ARMC2: variants seen among roughly 807,000 people sequenced by gnomAD.
The protein encoded by ARMC2 is armadillo repeat-containing protein 2.
A neutral mutation model predicts 90.3 loss-of-function variants in ARMC2; 67 were observed. The ratio of observed to expected loss-of-function variants is 0.74; its 90% CI spans 0.61 to 0.91. The LOEUF is 0.91. Ranked by LOEUF, ARMC2 falls within the 40% of genes least tolerant of loss-of-function variation. The pLI, the probability that ARMC2 is intolerant of heterozygous loss-of-function variation, is 0.00. For missense variants in ARMC2, 920 were observed against 1,030.9 expected (o/e 0.89, Z 1.47); for synonymous variants, 393 against 393.0 (o/e 1.00, Z 0.00).
chr6:108,875,601 T>C (rs889756646), intron 4 of ARMC2, among the ~76,000 whole-genome samples: 81 of 152,234 alleles, frequency 5.3e-4, no homozygotes, highest in Non-Finnish European at 2.9e-5. Flanking sequence ...TCCCTACTTT[T>C]ATACTTTGCT....
intron 12 of ARMC2, among the ~76,000 whole-genome samples, chr6:108,945,674 C>T (rs1776754183): frequency 6.6e-6 from 1 of 152,228 alleles, no homozygotes; most frequent in African/African-American, 2.4e-5. Flanking sequence ...GCCATGTATG[C>T]ACAGTGAACA....
At chr6:108,953,394 T>G in intron 13 of ARMC2, 43 bp downstream of exon 13, 1 of 1,537,098 alleles carries the variant, frequency 6.5e-7, no homozygotes, top group Admixed American at 1.9e-5. Flanking sequence ...ACAACCAACT[T>G]TCCCGCGGCC....
At chr6:108,897,564 G>A (rs1034910035) in intron 6 of ARMC2, among the ~76,000 whole-genome samples, 3 of 151,956 alleles carry the variant, frequency 2.0e-5, no homozygotes, top group African/African-American at 4.8e-5. Context: ...GCTGCTCTTG[G>A]CAGTGGGAAG....
chr6:108,851,388 T>C (rs1257027370), intron 1 of ARMC2, among the ~76,000 whole-genome samples: 2 of 152,206 alleles, frequency 1.3e-5, no homozygotes, highest in East Asian at 3.8e-4. Flanking sequence ...GTAATTTGTC[T>C]CTATTGTTTT....
intron 5 of ARMC2, among the ~76,000 whole-genome samples, chr6:108,888,416 G>T (rs1396510512): frequency 1.3e-5 from 2 of 152,182 alleles, no homozygotes. Context: ...GGCTGTAAGT[G>T]GTCGGACCAT....
chr6:108,910,090 T>G (rs1305511999), intron 8 of ARMC2, among the ~76,000 whole-genome samples: 4 of 152,212 alleles, frequency 2.6e-5, no homozygotes, highest in African/African-American at 7.2e-5. Context: ...ATGCAATTAC[T>G]CTAATCAAAT....
the ARMC2 span, among the ~76,000 whole-genome samples, chr6:109,051,915 A>G: frequency 6.6e-6 from 1 of 152,186 alleles, no homozygotes; most frequent in African/African-American, 2.4e-5. Context: ...CCACTGATGA[A>G]GGAGCAGCCC....
chr6:108,972,406 C>T (rs1287314170), intron 17 of ARMC2, among the ~76,000 whole-genome samples: 1 of 152,166 alleles, frequency 6.6e-6, no homozygotes, highest in Admixed American at 6.5e-5. Context: ...CAAAGTACTA[C>T]TTCCCTGCTG....
downstream of ARMC2, among the ~76,000 whole-genome samples, chr6:108,976,124 T>A (rs1374357516): frequency 6.6e-6 from 1 of 152,220 alleles, no homozygotes; most frequent in Non-Finnish European, 1.5e-5. Flanking sequence ...CTTCTAGGGT[T>A]TTTATGGTTT....
chr6:108,894,564 T>C (rs1312128901), intron 6 of ARMC2, 21 bp downstream of exon 6: 1 of 1,574,760 alleles, frequency 6.4e-7, no homozygotes, highest in Non-Finnish European at 8.6e-7. Context: ...CCCACACTCC[T>C]TCATCTACAG....
rs978557861 is a variant in ARMC2 at position 108,854,277 on chromosome 6, C to G, written c.10C>G (p.Pro4Ala). The change falls in exon 2 of 18, where the codon CCA becomes GCA. Residue 4 changes from proline (P) to alanine (A), a missense_variant. Transcript: ENST00000392644. MLS[P>A]NDKMLGKLDP... The stretch of plus-strand genomic sequence containing the variant: ...TACTTTCAAAGGAAAGATGCTGTCT[C>G]CAAATGATAAAATGTTAGGAAAACT... The G allele has an allele frequency of 3.7e-6, 6 of 1,604,838 alleles. No individual in the cohort carries two copies. The highest frequency in any genetic ancestry group is 5.1e-6 in the Non-Finnish European group (6 of 1,175,522).
the ARMC2 span, among the ~76,000 whole-genome samples, chr6:109,008,261 A>T: frequency 6.6e-6 from 1 of 152,208 alleles, no homozygotes. Context: ...GCTCACTTCT[A>T]CTCAAAAAGA....
the ARMC2 span, among the ~76,000 whole-genome samples, chr6:108,991,511 G>A: frequency 6.6e-6 from 1 of 152,042 alleles, no homozygotes; most frequent in African/African-American, 2.4e-5. Flanking sequence ...CAAAGTGCTG[G>A]GATTACACGT....
chr6:108,906,527 G>T (rs1174205661), intron 8 of ARMC2, among the ~76,000 whole-genome samples: 1 of 151,720 alleles, frequency 6.6e-6, no homozygotes, highest in Non-Finnish European at 1.5e-5. Context: ...GTCACCCAGG[G>T]CTGGAGTACA....
At chr6:108,850,790 T>C (rs1773928698) in intron 1 of ARMC2, among the ~76,000 whole-genome samples, 1 of 152,168 alleles carries the variant, frequency 6.6e-6, no homozygotes, top group South Asian at 2.1e-4. Flanking sequence ...ACGTGGACGG[T>C]TGGGGCAGAG....
At chr6:109,005,152 C>T in the ARMC2 span, among the ~76,000 whole-genome samples, 1 of 152,060 alleles carries the variant, frequency 6.6e-6, no homozygotes, top group Non-Finnish European at 1.5e-5. Flanking sequence ...TCTAATAGTA[C>T]GAGGTTGAAA....
At chr6:109,018,451 A>G in the ARMC2 span, among the ~76,000 whole-genome samples, 1 of 152,220 alleles carries the variant, frequency 6.6e-6, no homozygotes, top group African/African-American at 2.4e-5. Flanking sequence ...AAACTATAAT[A>G]GTGAGTGAAC....
chr6:108,943,066 C>T (rs1279914418), intron 12 of ARMC2, among the ~76,000 whole-genome samples: 1 of 152,140 alleles, frequency 6.6e-6, no homozygotes, highest in East Asian at 1.9e-4. Context: ...AACCAGGTAG[C>T]ACCAGGGCCG....
At position 108,932,287 on chromosome 6, in the gene ARMC2, G is replaced by A. The variant is rs192404931; in HGVS notation, c.1496+4054G>A. Among the ~76,000 whole-genome samples, 595 of 151,778 alleles carry A rather than the reference G, an allele frequency of 3.9e-3. 5 individuals are homozygous for A. Among genetic ancestry groups the A allele is most frequent in the Non-Finnish European group, 5.7e-3 (386 of 67,984 alleles). On this transcript the variant is annotated intron_variant, in intron 11 of 17. Coordinates refer to ENST00000392644, the MANE Select transcript of ARMC2 (RefSeq NM_032131.6). ...TTTGCTTTTGTTGCATTTGCTTTTA[G>A]TGTCTTTGTCATGAAATCTTTGCCC...
Sources: allele counts gnomAD v4.1 joint callset (sites outside exome capture counted in the v4.1 genomes callset), GRCh38; gene constraint gnomAD v4.1.1; transcripts MANE v1.5; gene names NCBI Gene and HGNC (gene_info 2026-07-23, HGNC 2026-07-21).